Variants in LCLAT1 observed in about 807,000 individuals in gnomAD.
LCLAT1 encodes 1-AGP acyltransferase 8.
A neutral mutation model predicts 30.7 loss-of-function variants in LCLAT1; 11 were observed. The ratio of observed to expected loss-of-function variants is 0.36; its 90% CI spans 0.23 to 0.59. The LOEUF (loss-of-function observed/expected upper bound fraction) is 0.59. LCLAT1 is among the 20% of genes least tolerant of loss of function. The pLI is 0.77. For missense variants in LCLAT1, 402 were observed against 458.6 expected, an observed-to-expected ratio of 0.88 and a Z score of 1.13; for synonymous variants, 155 against 151.3, an observed-to-expected ratio of 1.02 and a Z score of -0.18.
At chr2:30,483,558 C>A (rs1683418556) in intron 1 of LCLAT1, among the ~76,000 whole-genome samples, 1 of 151,940 alleles carries the variant, frequency 6.6e-6, no homozygotes, top group Non-Finnish European at 1.5e-5. Flanking sequence ...GCAAAAGGGC[C>A]TGGCAAAGTG....
At chr2:30,449,632 C>T (rs1245771955) in intron 1 of LCLAT1, among the ~76,000 whole-genome samples, 1 of 151,972 alleles carries the variant, frequency 6.6e-6, no homozygotes, top group Non-Finnish European at 1.5e-5. Flanking sequence ...TCCTGAGTAG[C>T]TGGGATTACA....
intron 5 of LCLAT1, among the ~76,000 whole-genome samples, chr2:30,581,724 A>G (rs955790790): frequency 6.6e-6 from 1 of 152,216 alleles, no homozygotes; most frequent in African/African-American, 2.4e-5. Flanking sequence ...TCATAGGAGT[A>G]GAGAGTAGAA....
chr2:30,562,834 T>A (rs1448182810), intron 4 of LCLAT1, among the ~76,000 whole-genome samples: 2 of 152,192 alleles, frequency 1.3e-5, no homozygotes, highest in Non-Finnish European at 2.9e-5. Flanking sequence ...CCCTTCCTAC[T>A]CCTCAGCGTC....
At chr2:30,636,734 AGG>A (rs775128136) in intron 5 of LCLAT1, among the ~76,000 whole-genome samples, 2 of 152,236 alleles carry the variant, frequency 1.3e-5, no homozygotes, top group Non-Finnish European at 2.9e-5. Context: ...AAGAAAGAAA[AGG>A]GCATTCTTCT....
intron 1 of LCLAT1, among the ~76,000 whole-genome samples, chr2:30,456,502 A>C (rs1347008614): frequency 6.8e-6 from 1 of 147,512 alleles, no homozygotes; most frequent in Non-Finnish European, 1.5e-5. Flanking sequence ...CCTGAACAAC[A>C]TTGCAGCCTT....
At chr2:30,449,951 C>T (rs542013295) in intron 1 of LCLAT1, among the ~76,000 whole-genome samples, 1 of 152,042 alleles carries the variant, frequency 6.6e-6, no homozygotes, top group South Asian at 2.1e-4. Context: ...GCTAATTTTT[C>T]CAGTCTTTAT....
chr2:30,567,630 G>T (rs1665552083), intron 4 of LCLAT1, among the ~76,000 whole-genome samples: 1 of 152,208 alleles, frequency 6.6e-6, no homozygotes, highest in African/African-American at 2.4e-5. Context: ...CGGATGGGCA[G>T]TTACCCGAGA....
At chr2:30,577,073 A>C (rs1251133628) in intron 5 of LCLAT1, among the ~76,000 whole-genome samples, 1 of 150,174 alleles carries the variant, frequency 6.7e-6, no homozygotes, top group African/African-American at 2.4e-5. Context: ...TTTTGCATAG[A>C]TTATATTTTT....
At chr2:30,451,295 A>G (rs945097643) in intron 1 of LCLAT1, among the ~76,000 whole-genome samples, 1 of 152,202 alleles carries the variant, frequency 6.6e-6, no homozygotes, top group Admixed American at 6.5e-5. Flanking sequence ...GTGTAGACCA[A>G]CTGGATCTCT....
intron 5 of LCLAT1, among the ~76,000 whole-genome samples, chr2:30,581,924 GAAGT>G (rs1156682969): frequency 7.2e-5 from 11 of 152,166 alleles, no homozygotes; most frequent in African/African-American, 2.4e-4. Context: ...CTCAACACAG[GAAGT>G]AAGTGTTTGA....
intron 4 of LCLAT1, among the ~76,000 whole-genome samples, chr2:30,562,993 A>C (rs1383073327): frequency 6.6e-6 from 1 of 152,148 alleles, no homozygotes; most frequent in Non-Finnish European, 1.5e-5. Flanking sequence ...GCCATCATTG[A>C]GTTGTAGCAA....
chr2:30,496,711 A>T (rs1684136155), intron 1 of LCLAT1, among the ~76,000 whole-genome samples: 1 of 152,150 alleles, frequency 6.6e-6, no homozygotes, highest in Admixed American at 6.5e-5. Flanking sequence ...AGTTATAAAG[A>T]TATTATGGTC....
chr2:30,520,426 A>G (rs1006488934), intron 1 of LCLAT1, among the ~76,000 whole-genome samples: 2 of 152,240 alleles, frequency 1.3e-5, no homozygotes, highest in African/African-American at 4.8e-5. Flanking sequence ...GATGTAATAC[A>G]TGGCTTGAAA....
chr2:30,571,208 A>T (rs1665763535), intron 5 of LCLAT1, among the ~76,000 whole-genome samples: 1 of 152,162 alleles, frequency 6.6e-6, no homozygotes, highest in Non-Finnish European at 1.5e-5. Flanking sequence ...CTCTAGGGGG[A>T]TACAGGGTTA....
intron 5 of LCLAT1, among the ~76,000 whole-genome samples, chr2:30,620,696 TCATTA>T (rs1257021461): frequency 6.6e-6 from 1 of 152,240 alleles, no homozygotes; most frequent in East Asian, 1.9e-4. Flanking sequence ...GCAATCCTTG[TCATTA>T]GATATTTCTT....
chr2:30,623,097 G>C (rs1325877615), intron 5 of LCLAT1, among the ~76,000 whole-genome samples: 4 of 146,224 alleles, frequency 2.7e-5, no homozygotes, highest in Non-Finnish European at 6.0e-5. Flanking sequence ...TCTGTCGCCA[G>C]GGCTAGAGTG....
At chr2:30,497,210 C>T (rs1020659714) in intron 1 of LCLAT1, among the ~76,000 whole-genome samples, 2 of 152,204 alleles carry the variant, frequency 1.3e-5, no homozygotes, top group African/African-American at 4.8e-5. Context: ...ACCCTAATAC[C>T]AGCTCAAGTT....
chr2:30,557,666 C>T (rs1347681753), intron 3 of LCLAT1, among the ~76,000 whole-genome samples: 1 of 152,040 alleles, frequency 6.6e-6, no homozygotes, highest in Non-Finnish European at 1.5e-5. Context: ...CCACCTGCCT[C>T]GGCCTCCCAA....
At chr2:30,620,043 C>T (rs778865134) in intron 5 of LCLAT1, among the ~76,000 whole-genome samples, 3 of 152,132 alleles carry the variant, frequency 2.0e-5, no homozygotes, top group Non-Finnish European at 2.9e-5. Context: ...TCGTTGATCA[C>T]TTACTAAGGA....
Sources: allele counts gnomAD v4.1 joint callset (sites outside exome capture counted in the v4.1 genomes callset), GRCh38; gene constraint gnomAD v4.1.1; transcripts MANE v1.5; gene names NCBI Gene and HGNC (gene_info 2026-07-23, HGNC 2026-07-21).